The following CAMKMT variants were observed in gnomAD, a reference collection of about 807,000 sequenced individuals.
CAMKMT encodes the protein CaM KMT.
Under a neutral mutation model 48.0 loss-of-function variants are expected in CAMKMT, and 53 were observed. That is an observed-to-expected ratio of 1.10 (90% CI 0.89 to 1.39). The LOEUF (loss-of-function observed/expected upper bound fraction) is 1.39. CAMKMT is among the 40% of genes most tolerant of loss of function. The probability of loss-of-function intolerance (pLI) is 0.00; values close to 1 mark genes in which losing one functional copy is unlikely to be tolerated. For missense variants in CAMKMT, 428 were observed against 402.7 expected, an observed-to-expected ratio of 1.06 and a Z score of -0.54; for synonymous variants, 165 against 152.3, an observed-to-expected ratio of 1.08 and a Z score of -0.61.
intron 3 of CAMKMT, among the ~76,000 whole-genome samples, chr2:44,472,156 C>T (rs573704602): frequency 6.6e-5 from 10 of 152,218 alleles, no homozygotes; most frequent in South Asian, 4.1e-4. Flanking sequence ...CTGCAAGCTC[C>T]GCTCCCTGGG....
intron 3 of CAMKMT, among the ~76,000 whole-genome samples, chr2:44,519,743 A>T (rs1257615102): frequency 1.3e-5 from 2 of 152,162 alleles, no homozygotes; most frequent in Non-Finnish European, 2.9e-5. Flanking sequence ...CAAACTCAAC[A>T]TGCACTATTT....
At chr2:44,515,059 G>A (rs1670767980) in intron 3 of CAMKMT, among the ~76,000 whole-genome samples, 1 of 152,168 alleles carries the variant, frequency 6.6e-6, no homozygotes, top group Admixed American at 6.5e-5. Context: ...ATATACTTTT[G>A]TGTCTTAATC....
At chr2:44,494,336 T>C (rs1339542783) in intron 3 of CAMKMT, among the ~76,000 whole-genome samples, 1 of 152,146 alleles carries the variant, frequency 6.6e-6, no homozygotes, top group Non-Finnish European at 1.5e-5. Context: ...CCTCTTGAGA[T>C]TTTGTGAGTG....
chr2:44,565,726 C>T (rs1185518849), intron 3 of CAMKMT, among the ~76,000 whole-genome samples: 1 of 151,878 alleles, frequency 6.6e-6, no homozygotes, highest in Non-Finnish European at 1.5e-5. Context: ...AAACAAAACT[C>T]CCCAGGTGAT....
At chr2:44,462,668 T>C (rs1220020249) in intron 3 of CAMKMT, among the ~76,000 whole-genome samples, 1 of 152,166 alleles carries the variant, frequency 6.6e-6, no homozygotes, top group African/African-American at 2.4e-5. Context: ...TTTAAAATTA[T>C]ACAAAAATGT....
chr2:44,498,317 A>T (rs1294629247), intron 3 of CAMKMT, among the ~76,000 whole-genome samples: 1 of 152,216 alleles, frequency 6.6e-6, no homozygotes, highest in African/African-American at 2.4e-5. Context: ...CCCATGTCAA[A>T]TAATTTTTAA....
chr2:44,717,044 A>C (rs1030830396), intron 7 of CAMKMT, among the ~76,000 whole-genome samples: 1 of 152,202 alleles, frequency 6.6e-6, no homozygotes, highest in East Asian at 1.9e-4. Flanking sequence ...ATCTCTTCAT[A>C]AAATAATTAA....
chr2:44,596,810 T>G (rs540903639), intron 3 of CAMKMT, among the ~76,000 whole-genome samples: 4 of 152,268 alleles, frequency 2.6e-5, no homozygotes, highest in African/African-American at 9.6e-5. Flanking sequence ...CTACTGGTTA[T>G]AAAAATTCTA....
intron 3 of CAMKMT, among the ~76,000 whole-genome samples, chr2:44,507,999 T>C (rs1670347733): frequency 6.6e-6 from 1 of 152,202 alleles, no homozygotes; most frequent in Non-Finnish European, 1.5e-5. Flanking sequence ...TGAAGGACTT[T>C]TATGCATGTG....
chr2:44,447,061 A>G lies in CAMKMT; in HGVS notation c.376+56756A>G, dbSNP rs549591292. On this transcript the variant is annotated intron_variant, in intron 3 of 10. Transcript: ENST00000378494. ...TTGGTACATTGGACCATTTAAGACA[A>G]GAGTAAATAATCAATTTTAATTTAT... Among the ~76,000 whole-genome samples, 12 of 151,116 alleles carry G rather than the reference A, an allele frequency of 7.9e-5. No individual in the cohort carries two copies. The South Asian group carries it at 2.3e-3, about 29-fold the overall frequency.
intron 3 of CAMKMT, among the ~76,000 whole-genome samples, chr2:44,634,987 C>T (rs1673041219): frequency 6.6e-6 from 1 of 152,050 alleles, no homozygotes; most frequent in South Asian, 2.1e-4. Flanking sequence ...GGTGGAGGAT[C>T]GCTTGAGCCT....
In CAMKMT at chr2:44,708,056, A is replaced by G. The variant is rs1006918507; in HGVS notation, c.556+594A>G. 9.2e-5 allele frequency among the ~76,000 whole-genome samples: 14 copies of G among 152,096 alleles called. 1 individual carries two copies. The highest frequency in any genetic ancestry group is 1.9e-4 in the Non-Finnish European group (13 of 68,014). Reference sequence around the variant, plus strand: ...TTCAAACTCCATTAGATTATGCTTTACTAATATGTACACAGAGTTCATGAA... The same window carrying G: ...TTCAAACTCCATTAGATTATGCTTTGCTAATATGTACACAGAGTTCATGAA... On this transcript the variant is annotated intron_variant, in intron 6 of 10. Coordinates refer to ENST00000378494, the MANE Select transcript of CAMKMT (RefSeq NM_024766.5).
At chr2:44,545,960 A>G (rs1034917424) in intron 3 of CAMKMT, among the ~76,000 whole-genome samples, 5 of 152,126 alleles carry the variant, frequency 3.3e-5, no homozygotes, top group African/African-American at 4.8e-5. Context: ...GCCTTCTCTT[A>G]TCAGAGGAAA....
Position 44,640,987 on chromosome 2 carries a change from C to A in CAMKMT, c.377-63296C>A, listed in dbSNP as rs145773352. On this transcript the variant is annotated intron_variant, in intron 3 of 10. Transcript: ENST00000378494. ...GACCAAGGCCACTTGGTTCCAGCGTCATGAAGTGGTGCCTCCCTCCTTTTT... is the reference window on the plus strand; with the variant it reads ...GACCAAGGCCACTTGGTTCCAGCGTAATGAAGTGGTGCCTCCCTCCTTTTT... 1.3e-3 allele frequency among the ~76,000 whole-genome samples: 205 copies of A among 152,284 alleles called. 2 individuals are homozygous for A. Among genetic ancestry groups the A allele is most frequent in the African/African-American group, 4.6e-3 (192 of 41,556 alleles).
chr2:44,450,601 A>T (rs1051395387), intron 3 of CAMKMT, among the ~76,000 whole-genome samples: 4 of 152,162 alleles, frequency 2.6e-5, no homozygotes, highest in African/African-American at 9.6e-5. Flanking sequence ...TTTCATATAC[A>T]GTTTCAAAAC....
At chr2:44,399,184 GT>G (rs1558578154) in intron 3 of CAMKMT, among the ~76,000 whole-genome samples, 1 of 152,158 alleles carries the variant, frequency 6.6e-6, no homozygotes, top group African/African-American at 2.4e-5. Flanking sequence ...CCCTTCCAGG[GT>G]TTTGAAGATC....
chr2:44,459,621 A>G (rs972275174), intron 3 of CAMKMT, among the ~76,000 whole-genome samples: 1 of 152,212 alleles, frequency 6.6e-6, no homozygotes, highest in South Asian at 2.1e-4. Flanking sequence ...TTTAATCATC[A>G]CACTCCTTGA....
rs34856994 is a variant in CAMKMT at position 44,476,655 on chromosome 2, GAA to G, written c.376+86359_376+86360del. ...AATTTTATAAACTAAATTACTTTGT[GAA>G]AAAAAAAATGCTTAGAATCATATGT... On this transcript the variant is annotated intron_variant, in intron 3 of 10. Transcript: ENST00000378494. 2.9e-3 allele frequency among the ~76,000 whole-genome samples: 430 copies of G among 150,506 alleles called. 2 individuals carry two copies. The highest frequency in any genetic ancestry group is 9.5e-3 in the African/African-American group (391 of 41,038).
In CAMKMT at chr2:44,474,831, T is replaced by C. The variant is rs183937153; in HGVS notation, c.376+84526T>C. 5.3e-5 allele frequency among the ~76,000 whole-genome samples: 8 copies of C among 152,336 alleles called. No homozygotes were observed. The East Asian group carries it at 9.6e-4, about 18-fold the overall frequency. ...AAACCCTCTATGCTGCAATTCTCTATTTCCGTTTTTGCTCTCTATTCTGCT... is the reference window on the plus strand; with the variant it reads ...AAACCCTCTATGCTGCAATTCTCTACTTCCGTTTTTGCTCTCTATTCTGCT... On this transcript the variant is annotated intron_variant, in intron 3 of 10. Transcript: ENST00000378494.
Sources: gnomAD v4.1 joint callset for allele counts (sites outside exome capture counted in the v4.1 genomes callset) on GRCh38, gnomAD v4.1.1 for gene constraint, MANE v1.5 for transcripts, NCBI Gene and HGNC (gene_info 2026-07-23, HGNC 2026-07-21) for gene names.